ARHGEF6: variants seen among roughly 807,000 people sequenced by gnomAD.
ARHGEF6 encodes the protein rho guanine nucleotide exchange factor 6.
ARHGEF6 carries 9 observed loss-of-function variants against 70.3 expected under a neutral mutation model. The observed-to-expected ratio is 0.13, with a 90% confidence interval of 0.08 to 0.22. ARHGEF6 has a LOEUF of 0.22. ARHGEF6 is among the 10% of genes least tolerant of loss of function. The pLI is 1.00. For synonymous variants in ARHGEF6, 201 were observed against 207.8 expected (o/e 0.97, Z 0.28); for missense variants, 470 against 563.0 (o/e 0.83, Z 1.67).
chrX:136,749,455 T>C (rs1329760012), intron 2 of ARHGEF6, among the ~76,000 whole-genome samples: 1 of 111,378 alleles, frequency 9.0e-6, no homozygotes, highest in East Asian at 2.8e-4. Context: ...TCTAAAATAA[T>C]AAGCAGAAGT....
At chrX:136,750,830 T>A (rs1176997274) in intron 2 of ARHGEF6, among the ~76,000 whole-genome samples, 4 of 104,397 alleles carry the variant, frequency 3.8e-5, no homozygotes, top group African/African-American at 1.4e-4. Context: ...TGAGGCAGAG[T>A]CTCACTGTAT....
At chrX:136,674,343 T>C in intron 19 of ARHGEF6, among the ~76,000 whole-genome samples, 1 of 112,817 alleles carries the variant, frequency 8.9e-6, no homozygotes, top group East Asian at 2.8e-4. Context: ...TCTGAATGTC[T>C]ATAATAATGG....
At chrX:136,702,177 G>A (rs1569400339) in intron 9 of ARHGEF6, among the ~76,000 whole-genome samples, 1 of 111,987 alleles carries the variant, frequency 8.9e-6, no homozygotes, top group East Asian at 2.8e-4. Flanking sequence ...ATGAAATTGT[G>A]TAGTGTTATG....
At chrX:136,685,961 C>A in intron 11 of ARHGEF6, 138 bp from the exon 12 acceptor site, 1 of 668,870 alleles carries the variant, frequency 1.5e-6, no homozygotes. Context: ...ATGACCCAGG[C>A]CTGTTCTTGA....
chrX:136,708,879 C>CT (rs1326910677), intron 7 of ARHGEF6, 109 bp from the exon 8 acceptor site: 1 of 542,516 alleles, frequency 1.8e-6, no homozygotes, highest in Non-Finnish European at 3.0e-6. Context: ...TTAACTTTTG[C>CT]TTTTTAATTT....
chrX:136,678,641 G>T (rs2076302646), intron 16 of ARHGEF6, among the ~76,000 whole-genome samples: 1 of 111,444 alleles, frequency 9.0e-6, no homozygotes, highest in Non-Finnish European at 1.9e-5. Flanking sequence ...ACAAAAGCAT[G>T]GTGGTTTCAA....
intron 5 of ARHGEF6, among the ~76,000 whole-genome samples, chrX:136,734,720 C>G (rs1248609884): frequency 1.8e-5 from 2 of 111,574 alleles, no homozygotes; most frequent in Non-Finnish European, 3.8e-5. Context: ...ACCAATATCC[C>G]TCATGAATAT....
intron 8 of ARHGEF6, among the ~76,000 whole-genome samples, chrX:136,708,055 C>A (rs1238536618): frequency 8.9e-6 from 1 of 111,820 alleles, no homozygotes; most frequent in African/African-American, 3.2e-5. Context: ...TTCAAAGACA[C>A]CAAATCTGTG....
intron 2 of ARHGEF6, among the ~76,000 whole-genome samples, chrX:136,759,107 TACAA>T (rs776507241): frequency 2.7e-5 from 3 of 112,431 alleles, no homozygotes; most frequent in African/African-American, 9.7e-5. Flanking sequence ...AAAGTGGTTA[TACAA>T]ACAGTGTAAA....
intron 6 of ARHGEF6, among the ~76,000 whole-genome samples, chrX:136,716,385 C>A (rs774570517): frequency 8.9e-6 from 1 of 111,849 alleles, no homozygotes; most frequent in African/African-American, 3.3e-5. Flanking sequence ...CCCACCTAAG[C>A]GGGAGAACTA....
chrX:136,740,551 T>A (rs781468856), intron 5 of ARHGEF6, among the ~76,000 whole-genome samples: 19 of 111,391 alleles, frequency 1.7e-4, no homozygotes, highest in South Asian at 7.6e-4. Context: ...AGTGCTCAAG[T>A]CAGAGTCGGA....
At chrX:136,704,799 G>A (rs2076609907) in intron 9 of ARHGEF6, among the ~76,000 whole-genome samples, 1 of 111,637 alleles carries the variant, frequency 9.0e-6, no homozygotes, top group African/African-American at 3.3e-5. Context: ...AGATTTGGGT[G>A]GGGACATAGA....
At chrX:136,684,261 A>AT (rs970412143) in intron 12 of ARHGEF6, among the ~76,000 whole-genome samples, 4 of 110,844 alleles carry the variant, frequency 3.6e-5, no homozygotes, top group Non-Finnish European at 7.6e-5. Context: ...TTGTCTTTTT[A>AT]TTTTTTCTGG....
chrX:136,694,623 C>T (rs1479418201), intron 9 of ARHGEF6, among the ~76,000 whole-genome samples: 3 of 111,660 alleles, frequency 2.7e-5, no homozygotes, highest in Non-Finnish European at 5.6e-5. Flanking sequence ...CCTCTTCTCT[C>T]TGATCTCTCA....
chrX:136,710,923 C>T (rs2076678263), intron 7 of ARHGEF6, among the ~76,000 whole-genome samples: 1 of 112,002 alleles, frequency 8.9e-6, no homozygotes, highest in Non-Finnish European at 1.9e-5. Flanking sequence ...TATCACTAAT[C>T]ATCAGAGAAA....
intron 2 of ARHGEF6, among the ~76,000 whole-genome samples, chrX:136,753,426 T>C (rs1213422106): frequency 9.0e-6 from 1 of 111,405 alleles, no homozygotes; most frequent in African/African-American, 3.3e-5. Flanking sequence ...ATCTGGAAAG[T>C]GTCTTTGAGC....
At chrX:136,688,218 A>C (rs2076424238) in intron 10 of ARHGEF6, among the ~76,000 whole-genome samples, 1 of 111,439 alleles carries the variant, frequency 9.0e-6, no homozygotes, top group African/African-American at 3.3e-5. Flanking sequence ...CTCTATACTA[A>C]AGATTAAAAA....
chrX:136,675,165 A>G, intron 18 of ARHGEF6, 69 bp from the exon 19 acceptor site: 2 of 941,348 alleles, frequency 2.1e-6, no homozygotes, highest in Non-Finnish European at 3.0e-6. Flanking sequence ...GATGCAGCAC[A>G]CTCCACTGCC....
rs773210061 is a variant in ARHGEF6, at chrX:136,675,001, A to G, written c.2035+6T>C. 2.5e-6 allele frequency: 3 copies of G among 1,204,838 alleles called. No individual in the cohort carries two copies. The East Asian group carries it at 8.9e-5, about 36-fold the overall frequency. On this transcript the variant is annotated splice_donor_region_variant and intron_variant, in intron 19 of 21. Coordinates refer to ENST00000250617, the MANE Select transcript of ARHGEF6 (RefSeq NM_004840.3). Reference sequence around the variant, plus strand: ...TCACTAGAGAAAGTAGTTTGGGGGAACCTACTTGAGCCATGGCCTTGTTGA... The same window carrying G: ...TCACTAGAGAAAGTAGTTTGGGGGAGCCTACTTGAGCCATGGCCTTGTTGA...
Sources: gnomAD v4.1 joint callset for allele counts (sites outside exome capture counted in the v4.1 genomes callset) on GRCh38, gnomAD v4.1.1 for gene constraint, MANE v1.5 for transcripts, NCBI Gene and HGNC (gene_info 2026-07-23, HGNC 2026-07-21) for gene names.